HCN1: variants seen among roughly 807,000 people sequenced by gnomAD.
HCN1 encodes the protein hyperpolarization activated cyclic nucleotide gated potassium channel 1.
In HCN1, 13 loss-of-function variants were observed where a neutral mutation model predicts 78.9. The ratio of observed to expected loss-of-function variants is 0.16; its 90% confidence interval spans 0.11 to 0.26. HCN1 has a LOEUF of 0.26. Ranked by LOEUF, HCN1 falls within the 10% of genes least tolerant of loss-of-function variation. HCN1 has a pLI of 1.00. For synonymous variants in HCN1, 552 were observed against 455.5 expected, an observed-to-expected ratio of 1.21 and a Z score of -2.70; for missense variants, 810 against 1,154.3, an observed-to-expected ratio of 0.70 and a Z score of 4.32.
At position 45,615,341 on chromosome 5, in the gene HCN1, C is replaced by T. The variant is rs1012111504; in HGVS notation, c.849+29844G>A. Among the ~76,000 whole-genome samples, 7 of 151,914 alleles carry T rather than the reference C, an allele frequency of 4.6e-5. 1 individual carries two copies. The South Asian group carries it at 6.2e-4, about 13-fold the overall frequency. On this transcript the variant is annotated intron_variant, in intron 2 of 7. Coordinates refer to ENST00000303230, the MANE Select transcript of HCN1 (RefSeq NM_021072.4). Reference sequence around the variant, plus strand: ...AAGTAAAGTATAAACATTCATTTTACGCAGATGGCTATAGGTTTTGCTCTG... The same window carrying T: ...AAGTAAAGTATAAACATTCATTTTATGCAGATGGCTATAGGTTTTGCTCTG...
chr5:45,498,250 C>T (rs547334731), intron 2 of HCN1, among the ~76,000 whole-genome samples: 47 of 151,462 alleles, frequency 3.1e-4, no homozygotes, highest in South Asian at 1.0e-3. Flanking sequence ...GGTCTTTTCA[C>T]ATAGTCCCAT....
chr5:45,418,871 CTA>C (rs969691060), intron 3 of HCN1, among the ~76,000 whole-genome samples: 1 of 152,196 alleles, frequency 6.6e-6, no homozygotes, highest in South Asian at 2.1e-4. Flanking sequence ...ATATATAATT[CTA>C]TATGTCATTA....
chr5:45,581,143 C>G, intron 2 of HCN1, among the ~76,000 whole-genome samples: 1 of 152,196 alleles, frequency 6.6e-6, no homozygotes, highest in African/African-American at 2.4e-5. Context: ...AACTAGTTTA[C>G]AGTCCCACCA....
chr5:45,313,607 T>G (rs544316238), intron 5 of HCN1, among the ~76,000 whole-genome samples: 1 of 152,212 alleles, frequency 6.6e-6, no homozygotes, highest in East Asian at 1.9e-4. Context: ...GCAAAGAAGC[T>G]AAAAACCTTG....
rs545262365 is a variant in HCN1 at position 45,457,326 on chromosome 5, C to T, written c.1011+4520G>A. ...TTAACAAAAACCCATTACTCCCAATCTTGTTTATAATGATTTAATATAATT... is the reference window on the plus strand; with the variant it reads ...TTAACAAAAACCCATTACTCCCAATTTTGTTTATAATGATTTAATATAATT... On this transcript the variant is annotated intron_variant, in intron 3 of 7. Transcript: ENST00000303230. Among the ~76,000 whole-genome samples the T allele has an allele frequency of 1.0e-3, 158 of 152,196 alleles. No individual in the cohort carries two copies. In the Middle Eastern group the frequency reaches 0.014, roughly 13 times the overall value.
chr5:45,377,215 G>C (rs1279080800), intron 4 of HCN1, among the ~76,000 whole-genome samples: 1 of 151,802 alleles, frequency 6.6e-6, no homozygotes, highest in Non-Finnish European at 1.5e-5. Context: ...AACAAAAATG[G>C]ACAACCATAG....
chr5:45,572,771 G>A (rs1169738388), intron 2 of HCN1, among the ~76,000 whole-genome samples: 3 of 152,164 alleles, frequency 2.0e-5, no homozygotes, highest in South Asian at 2.1e-4. Flanking sequence ...TTTAGCTATT[G>A]AGGATACAGC....
At chr5:45,383,051 TAA>T (rs1364100564) in intron 4 of HCN1, among the ~76,000 whole-genome samples, 1 of 152,124 alleles carries the variant, frequency 6.6e-6, no homozygotes, top group South Asian at 2.1e-4. Context: ...TGTTATTGAG[TAA>T]AAATAATTAA....
intron 6 of HCN1, among the ~76,000 whole-genome samples, chr5:45,293,407 G>A (rs959487362): frequency 6.6e-6 from 1 of 151,952 alleles, no homozygotes; most frequent in African/African-American, 2.4e-5. Context: ...TGAGGCTTAG[G>A]CGGGAAGATC....
At chr5:45,407,598 C>A (rs1739949735) in intron 3 of HCN1, among the ~76,000 whole-genome samples, 1 of 152,102 alleles carries the variant, frequency 6.6e-6, no homozygotes, top group South Asian at 2.1e-4. Context: ...TGGCTCACTG[C>A]AACCTCCGCC....
chr5:45,412,272 G>C (rs931717820), intron 3 of HCN1, among the ~76,000 whole-genome samples: 1 of 152,052 alleles, frequency 6.6e-6, no homozygotes, highest in East Asian at 1.9e-4. Context: ...TGGGCACTGG[G>C]AATAAAGGTT....
intron 5 of HCN1, among the ~76,000 whole-genome samples, chr5:45,310,206 A>G (rs1745822522): frequency 6.6e-6 from 1 of 152,168 alleles, no homozygotes; most frequent in Non-Finnish European, 1.5e-5. Context: ...ACCAAAATAA[A>G]CTATCAACAG....
At position 45,461,927 on chromosome 5, in the gene HCN1, G is replaced by A. The variant is rs1367657574; in HGVS notation, c.930C>T (p.His310=). The change falls in exon 3 of 8, where the codon CAC becomes CAT. Residue 310 remains histidine, a synonymous_variant. Transcript: ENST00000303230. The part of the protein sequence containing the change: ...NLIGMMLLLC[H]WDGCLQFLVP... ...CTAAGAACTGAAGACAACCATCCCA[G>A]TGGCACAGGAGCAGCATCATGCCGA... 2 of 1,613,396 alleles carry A rather than the reference G, an allele frequency of 1.2e-6. No homozygotes were observed. Among genetic ancestry groups the A allele is most frequent in the South Asian group, 2.2e-5 (2 of 91,068 alleles).
chr5:45,452,979 A>G (rs1464981073), intron 3 of HCN1, among the ~76,000 whole-genome samples: 1 of 152,022 alleles, frequency 6.6e-6, no homozygotes, highest in African/African-American at 2.4e-5. Flanking sequence ...TCTGTCATAT[A>G]TCTCTAGAGT....
intron 1 of HCN1, among the ~76,000 whole-genome samples, chr5:45,652,969 T>C (rs1403323266): frequency 6.6e-6 from 1 of 152,060 alleles, no homozygotes; most frequent in Admixed American, 6.6e-5. Context: ...TTTTCCTGTT[T>C]CTACCTGCCC....
chr5:45,590,329 T>C (rs1057423362), intron 2 of HCN1, among the ~76,000 whole-genome samples: 1 of 152,198 alleles, frequency 6.6e-6, no homozygotes, highest in African/African-American at 2.4e-5. Context: ...CATAGCAATA[T>C]TGAGCAGAAA....
chr5:45,266,050 G>C (rs1744849850), intron 7 of HCN1, among the ~76,000 whole-genome samples: 1 of 152,224 alleles, frequency 6.6e-6, no homozygotes, highest in East Asian at 1.9e-4. Context: ...GTGGCAAAGA[G>C]GGTTTAGGTG....
intron 2 of HCN1, among the ~76,000 whole-genome samples, chr5:45,530,812 G>T (rs556016985): frequency 6.6e-6 from 1 of 151,984 alleles, no homozygotes; most frequent in Non-Finnish European, 1.5e-5. Context: ...CCATTTGACA[G>T]GTAACATAAA....
chr5:45,426,969 T>C (rs1033576085), intron 3 of HCN1, among the ~76,000 whole-genome samples: 2 of 152,024 alleles, frequency 1.3e-5, no homozygotes, highest in Non-Finnish European at 2.9e-5. Flanking sequence ...TTATACTATA[T>C]GGCTATAATT....
Sources: allele counts gnomAD v4.1 joint callset (sites outside exome capture counted in the v4.1 genomes callset), GRCh38; gene constraint gnomAD v4.1.1; transcripts MANE v1.5; gene names NCBI Gene and HGNC (gene_info 2026-07-23, HGNC 2026-07-21).